Variants in TERF1 observed in about 807,000 individuals in gnomAD.
The protein encoded by TERF1 is telomeric repeat-binding factor 1.
A neutral mutation model predicts 55.1 loss-of-function variants in TERF1; 20 were observed. That is an observed-to-expected ratio of 0.36 (90% confidence interval 0.26 to 0.53). TERF1 has a LOEUF of 0.53. Among genes scored for constraint, TERF1 ranks in the 20% least tolerant of loss-of-function variants. The pLI is 0.91. For synonymous variants in TERF1, 168 were observed against 181.2 expected (o/e 0.93, Z 0.59); for missense variants, 439 against 535.7 (o/e 0.82, Z 1.78).
At chr8:73,022,536 T>C (rs2129779125) in intron 4 of TERF1, among the ~76,000 whole-genome samples, 1 of 152,178 alleles carries the variant, frequency 6.6e-6, no homozygotes, top group South Asian at 2.1e-4. Context: ...TGGGAGGATC[T>C]CTTGAGCTCA....
Position 73,032,118 on chromosome 8 carries a change from G to A in TERF1, c.1024G>A (p.Val342Ile), listed in dbSNP as rs780918070. 2.5e-6 allele frequency: 4 copies of A among 1,610,712 alleles called. No homozygotes were observed. Among genetic ancestry groups the A allele is most frequent in the Admixed American group, 3.3e-5 (2 of 59,826 alleles). ...QQDLNKKERR[V>I]GTPQSTKKKK... ...AGACCTTAATAAGAAAGAAAGAAGA[G>A]TAGGAACTCCTCAAAGTGAGTACTG... is the stretch of plus-strand genomic sequence containing the variant. Residue 342 changes from valine (V) to isoleucine (I), a missense_variant, in exon 8 of 10, where the codon GTA becomes ATA. Transcript: ENST00000276603.
chr8:73,019,093 C>A (rs1329065553), intron 2 of TERF1: 1 of 152,084 alleles, frequency 6.6e-6, no homozygotes, highest in Non-Finnish European at 1.5e-5. Context: ...CTCTTAGCTG[C>A]TGGGGTAAGG....
rs919196602 is a variant in TERF1 at position 73,046,824 on chromosome 8, A to C, written c.*687A>C. The C allele has an allele frequency of 1.3e-5, 2 of 152,236 alleles. No individual in the cohort carries two copies. Among genetic ancestry groups the C allele is most frequent in the Admixed American group, 1.3e-4 (2 of 15,276 alleles). 9.4% of individuals were successfully genotyped at this position (152,236 alleles called of 1,614,324 possible). A position where few individuals can be genotyped will look rare whatever the true frequency, so the allele number is the denominator to read the frequency against. On this transcript the variant is annotated 3_prime_UTR_variant, in exon 10 of 10. Transcript: ENST00000276603. The stretch of plus-strand genomic sequence containing the variant: ...TGAATTTTCTAGATGATTGAATAAC[A>C]GTAGTCCTTTGATAGAAGATAATGA...
intron 2 of TERF1, 96 bp from the exon 3 acceptor site, chr8:73,020,588 A>T: frequency 9.5e-7 from 1 of 1,058,030 alleles, no homozygotes; most frequent in Non-Finnish European, 1.3e-6. Flanking sequence ...AGCACATAGT[A>T]TACACTCAGT....
At chr8:73,017,101 T>A (rs1363258052) in intron 2 of TERF1, among the ~76,000 whole-genome samples, 1 of 152,238 alleles carries the variant, frequency 6.6e-6, no homozygotes, top group Non-Finnish European at 1.5e-5. Context: ...ATGTCTATAC[T>A]GTAAATTTTT....
intron 2 of TERF1, among the ~76,000 whole-genome samples, chr8:73,017,799 T>G (rs1808580513): frequency 6.7e-6 from 1 of 150,266 alleles, no homozygotes; most frequent in Non-Finnish European, 1.5e-5. Flanking sequence ...GCCTCCCGGG[T>G]TCAAGCGATT....
At chr8:73,026,909 T>C in intron 5 of TERF1, 31 bp from the exon 6 acceptor site, 1 of 1,541,222 alleles carries the variant, frequency 6.5e-7, no homozygotes, top group Non-Finnish European at 8.9e-7. Flanking sequence ...CATTTCTTCC[T>C]ATCCTTCTAC....
rs766793774 is a variant in TERF1 at position 73,030,413 on chromosome 8, TTTTC to T, written c.947+21_947+24del. 20 of 1,452,896 alleles carry T rather than the reference TTTTC, an allele frequency of 1.4e-5. No homozygotes were observed. In the African/African-American group the frequency reaches 2.2e-4, roughly 16 times the overall value. The allele number at this position is 1,452,896 out of a possible 1,614,324, so 90.0% of individuals were successfully genotyped here. A position where few individuals can be genotyped will look rare whatever the true frequency, so the allele number is the denominator to read the frequency against. ...TTATTGAGGTGAAGTAAATTGACGT[TTTTC>T]TTCTTTGTCTTTCAAATCTTTGATT... On this transcript the variant is annotated intron_variant, in intron 7 of 9. Transcript: ENST00000276603.
At chr8:73,038,732 A>T (rs1158801832) in intron 8 of TERF1, 3 of 963,836 alleles carry the variant, frequency 3.1e-6, no homozygotes, top group African/African-American at 1.8e-5. Context: ...TACCAAACTG[A>T]CTATGAATAA....
At chr8:73,044,437 C>T (rs1809954716) in intron 9 of TERF1, among the ~76,000 whole-genome samples, 2 of 152,118 alleles carry the variant, frequency 1.3e-5, no homozygotes, top group Admixed American at 6.5e-5. Flanking sequence ...GAGTCATACA[C>T]GAGATGGTTC....
chr8:73,009,256 C>A, intron 1 of TERF1, 51 bp downstream of exon 1: 1 of 1,560,014 alleles, frequency 6.4e-7, no homozygotes, highest in South Asian at 1.2e-5. Context: ...CGGATGCGGG[C>A]TCCGTGGTGC....
chr8:73,022,747 G>A (rs1383258118), intron 4 of TERF1, among the ~76,000 whole-genome samples: 1 of 152,164 alleles, frequency 6.6e-6, no homozygotes, highest in Non-Finnish European at 1.5e-5. Context: ...AGTAGTTCAA[G>A]AGCAGCCTGG....
At chr8:73,037,769 A>AAT (rs1472814428) in intron 8 of TERF1, among the ~76,000 whole-genome samples, 1 of 52,214 alleles carries the variant, frequency 1.9e-5, no homozygotes. Context: ...TATATAGTAT[A>AAT]ATATATATAT....
chr8:73,027,160 TTGC>T lies in TERF1; in HGVS notation c.887+111_887+113del, dbSNP rs1221898507. ...AATAATTATTGAGTAGCATGTTATC[TTGC>T]TGATGATTAACATTTAGGTATTTGA... On this transcript the variant is annotated intron_variant, in intron 6 of 9. Coordinates refer to ENST00000276603, the MANE Select transcript of TERF1 (RefSeq NM_017489.3). 3.0e-5 allele frequency: 23 copies of T among 767,728 alleles called. No individual in the cohort carries two copies. In the East Asian group the frequency reaches 6.3e-4, roughly 21 times the overall value. 47.6% of individuals were successfully genotyped at this position (767,728 alleles called of 1,614,324 possible). A position where few individuals can be genotyped will look rare whatever the true frequency, so the allele number is the denominator to read the frequency against.
In TERF1 at chr8:73,030,774, A is replaced by G. The variant is rs556311083; in HGVS notation, c.947+379A>G. The G allele has an allele frequency of 7.4e-4, 120 of 161,344 alleles. 1 individual carries two copies. Among genetic ancestry groups the G allele is most frequent in the African/African-American group, 2.8e-3 (116 of 42,048 alleles). The allele number at this position is 161,344 out of a possible 1,614,324, so 10.0% of individuals were successfully genotyped here. ...GCCAATTTTATGAAAGTTACTTGAA[A>G]AACTTTATTTGATCTAATAGAATCG... On this transcript the variant is annotated intron_variant, in intron 7 of 9. Coordinates refer to ENST00000276603, the MANE Select transcript of TERF1 (RefSeq NM_017489.3).
intron 8 of TERF1, 26 bp downstream of exon 8, chr8:73,032,159 A>G (rs1330441591): frequency 6.5e-7 from 1 of 1,528,352 alleles, no homozygotes; most frequent in East Asian, 2.3e-5. Context: ...ACAGTTTTAG[A>G]AGGGGAGAAT....
In TERF1 at chr8:73,012,939, T is replaced by C. The variant is rs55792440; in HGVS notation, c.320-956T>C. The C allele has an allele frequency of 1.2e-3, 533 of 456,074 alleles. 2 individuals are homozygous for C. Among genetic ancestry groups the C allele is most frequent in the African/African-American group, 0.01 (504 of 50,198 alleles). The allele number at this position is 456,074 out of a possible 1,614,324, so 28.3% of individuals were successfully genotyped here. The stretch of plus-strand genomic sequence containing the variant: ...GCTGGCAGTAGATGTTCAGTAAATA[T>C]TGAATGGCTTGTGTTTAAATTCTAT... On this transcript the variant is annotated intron_variant, in intron 1 of 9. Transcript: ENST00000276603.
At chr8:73,037,484 T>A (rs1341591416) in intron 8 of TERF1, among the ~76,000 whole-genome samples, 5 of 125,500 alleles carry the variant, frequency 4.0e-5, no homozygotes, top group African/African-American at 1.5e-4. Flanking sequence ...ATTAAATATA[T>A]TTATATATAA....
chr8:73,046,228 T>G lies in TERF1; in HGVS notation c.*91T>G. 1 of 1,218,092 alleles carries G rather than the reference T, an allele frequency of 8.2e-7. No individual in the cohort carries two copies. Among genetic ancestry groups the G allele is most frequent in the Non-Finnish European group, 1.1e-6 (1 of 899,378 alleles). 75.5% of individuals were successfully genotyped at this position (1,218,092 alleles called of 1,614,324 possible). A position where few individuals can be genotyped will look rare whatever the true frequency, so the allele number is the denominator to read the frequency against. On this transcript the variant is annotated 3_prime_UTR_variant, in exon 10 of 10. Coordinates refer to ENST00000276603, the MANE Select transcript of TERF1 (RefSeq NM_017489.3). ...TTGTGTCATTGATGTAATTTAAAAC[T>G]TTTGTTTAAAGCATTACAGTATTTT...
Sources: gnomAD v4.1 joint callset for allele counts (sites outside exome capture counted in the v4.1 genomes callset) on GRCh38, gnomAD v4.1.1 for gene constraint, MANE v1.5 for transcripts, NCBI Gene and HGNC (gene_info 2026-07-23, HGNC 2026-07-21) for gene names.